The following SOX13 variants were observed in gnomAD, a reference collection of about 807,000 sequenced individuals.
SOX13 encodes the protein SRY-box transcription factor 13, also known as transcription factor SOX-13.
A neutral mutation model predicts 71.8 loss-of-function variants in SOX13; 28 were observed. The observed-to-expected ratio is 0.39, with a 90% CI of 0.29 to 0.53. The LOEUF (loss-of-function observed/expected upper bound fraction) is 0.53, where lower values mean the gene tolerates loss of function less well. Ranked by LOEUF, SOX13 falls within the 20% of genes least tolerant of loss-of-function variation. The pLI is 0.70. For missense variants in SOX13, 627 were observed against 810.3 expected, an observed-to-expected ratio of 0.77 and a Z score of 2.75; for synonymous variants, 309 against 317.8, an observed-to-expected ratio of 0.97 and a Z score of 0.29.
chr1:204,105,815 C>T (rs1216425071), intron 1 of SOX13, among the ~76,000 whole-genome samples: 3 of 152,152 alleles, frequency 2.0e-5, no homozygotes, highest in East Asian at 1.9e-4. Context: ...AAACTGGGCA[C>T]GCAGGAGCAC....
intron 1 of SOX13, among the ~76,000 whole-genome samples, chr1:204,084,077 A>G (rs1655964601): frequency 2.0e-5 from 3 of 152,198 alleles, no homozygotes; most frequent in Admixed American, 2.0e-4. Context: ...CAGGCACACT[A>G]TGACTTTGCG....
At chr1:204,076,441 T>C (rs538296296) in intron 1 of SOX13, among the ~76,000 whole-genome samples, 1 of 152,344 alleles carries the variant, frequency 6.6e-6, no homozygotes, top group South Asian at 2.1e-4. Context: ...GAACCTGGAA[T>C]AGCACAGCTG....
intron 1 of SOX13, among the ~76,000 whole-genome samples, chr1:204,078,747 C>T (rs1374414489): frequency 1.3e-5 from 2 of 152,182 alleles, no homozygotes; most frequent in African/African-American, 4.8e-5. Context: ...GTGGTCTTTG[C>T]CTCGGTGACT....
intron 4 of SOX13, among the ~76,000 whole-genome samples, chr1:204,115,815 C>T (rs1553298485): frequency 6.6e-6 from 1 of 151,598 alleles, no homozygotes; most frequent in Non-Finnish European, 1.5e-5. Context: ...TACAGGTATG[C>T]GCCACCATAC....
chr1:204,114,397 A>C lies in SOX13; in HGVS notation c.296A>C (p.Gln99Pro). The C allele has an allele frequency of 6.2e-7, 1 of 1,612,970 alleles. No homozygotes were observed. The highest frequency in any genetic ancestry group is 8.5e-7 in the Non-Finnish European group (1 of 1,179,434). The change falls in exon 3 of 14, where the codon CAG (glutamine) becomes CCG (proline). Residue 99 changes from glutamine (Q) to proline (P), a missense_variant. Transcript: ENST00000367204. ...GTGTCGGAGGCTGCCTCTGGAAGCC[A>C]GGAGAAGCTGGACTTCAACCGAAAT... ...PGVSEAASGS[Q>P]EKLDFNRNLK...
In SOX13 at chr1:204,081,846, G is replaced by A. The variant is rs1466962466; in HGVS notation, c.-2+8135G>A. 1.3e-5 allele frequency among the ~76,000 whole-genome samples: 2 copies of A among 152,086 alleles called. No homozygotes were observed. Among genetic ancestry groups the A allele is most frequent in the Non-Finnish European group, 2.9e-5 (2 of 68,016 alleles). Reference sequence around the variant, plus strand: ...ACCATCCTTGTGAGGTTTTGGTTCTGGCCTGTTCCATGAGGGTGGGGTAGG... The same window carrying A: ...ACCATCCTTGTGAGGTTTTGGTTCTAGCCTGTTCCATGAGGGTGGGGTAGG... On this transcript the variant is annotated intron_variant, in intron 1 of 13. Coordinates refer to ENST00000367204, the MANE Select transcript of SOX13 (RefSeq NM_005686.3). The surrounding 1 kb of genome is among the most constrained non-coding windows in gnomAD (Gnocchi z 4.3).
At chr1:204,077,966 C>T (rs1278302485) in intron 1 of SOX13, among the ~76,000 whole-genome samples, 1 of 152,104 alleles carries the variant, frequency 6.6e-6, no homozygotes, top group African/African-American at 2.4e-5. Flanking sequence ...TGTGTGCCAC[C>T]ACACCTGGCT....
At chr1:204,098,400 C>G (rs548226339) in intron 1 of SOX13, among the ~76,000 whole-genome samples, 1 of 151,902 alleles carries the variant, frequency 6.6e-6, no homozygotes, top group East Asian at 1.9e-4. Flanking sequence ...TTGCTTGAAC[C>G]GGGGAGGCAG....
At chr1:204,121,336 T>A (rs924875410) in intron 7 of SOX13, among the ~76,000 whole-genome samples, 5 of 152,098 alleles carry the variant, frequency 3.3e-5, no homozygotes, top group African/African-American at 1.2e-4. Context: ...ACCAGATTGG[T>A]CTTGAACTCT....
intron 1 of SOX13, among the ~76,000 whole-genome samples, chr1:204,088,208 C>A (rs1009379663): frequency 6.6e-6 from 1 of 152,148 alleles, no homozygotes; most frequent in Non-Finnish European, 1.5e-5. Flanking sequence ...GTGGACGTAG[C>A]CCTGTTTTCT....
rs1284715882 is a variant in SOX13, at chr1:204,081,406, C to G, written c.-2+7695C>G. Reference sequence around the variant, plus strand: ...TTCCACGGAAGACCAAGAGGAGTCACGGTTTGACCAGCGCTAAGAGGGGAT... The same window carrying G: ...TTCCACGGAAGACCAAGAGGAGTCAGGGTTTGACCAGCGCTAAGAGGGGAT... On this transcript the variant is annotated intron_variant, in intron 1 of 13. Transcript: ENST00000367204. The surrounding 1 kb of genome is among the most constrained non-coding windows in gnomAD (Gnocchi z 4.3). Among the ~76,000 whole-genome samples the G allele has an allele frequency of 6.6e-6, 1 of 152,234 alleles. No homozygotes were observed.
rs376174455 is a variant in SOX13, at chr1:204,122,358, C to T, written c.983C>T (p.Pro328Leu). The change falls in exon 9 of 14, where the codon CCC becomes CTC. Residue 328 changes from proline (P) to leucine (L), a missense_variant. By Grantham distance (98) the Pro-to-Leu change is moderately conservative. Transcript: ENST00000367204. ...CVPRPPSHGG[P>L]TRDLQSSPPS... ...CCCCGCCCCCCCAGCCATGGAGGCC[C>T]CACGCGGGACCTGCAGTCCAGCCCC... 80 of 1,563,502 alleles carry T rather than the reference C, an allele frequency of 5.1e-5. No individual in the cohort carries two copies. Among genetic ancestry groups the T allele is most frequent in the Non-Finnish European group, 6.3e-5 (73 of 1,153,842 alleles).
intron 1 of SOX13, among the ~76,000 whole-genome samples, chr1:204,090,842 C>A (rs1198439362): frequency 2.0e-5 from 3 of 152,192 alleles, no homozygotes; most frequent in African/African-American, 7.2e-5. Context: ...ATCTGTAGGG[C>A]ACCTTTGCAC....
chr1:204,105,423 T>TTTTTTTTTTTTTTTG (rs1558216528), intron 1 of SOX13, among the ~76,000 whole-genome samples: 1 of 149,810 alleles, frequency 6.7e-6, no homozygotes, highest in African/African-American at 2.5e-5. Flanking sequence ...CTTTTTTTTT[T>TTTTTTTTTTTTTTTG]GAGACAGAGT....
At chr1:204,074,001 ACGCGCG>A (rs1450275960) in intron 1 of SOX13, 44 of 136,350 alleles carry the variant, frequency 3.2e-4, no homozygotes, top group Admixed American at 2.0e-3. Flanking sequence ...GTGTGTGTGT[ACGCGCG>A]CGCGCGCGCG....
Position 204,109,231 on chromosome 1 carries a change from C to G in SOX13, c.-1-3684C>G, listed in dbSNP as rs1656529628. 2.6e-5 allele frequency among the ~76,000 whole-genome samples: 4 copies of G among 152,208 alleles called. No individual in the cohort carries two copies. The South Asian group carries it at 8.3e-4, about 32-fold the overall frequency. ...GCAGTGCCCTGTCTTGGGACCCAGC[C>G]TCTGGGGAACCCTACACTTTGAAAG... On this transcript the variant is annotated intron_variant, in intron 1 of 13. Transcript: ENST00000367204.
chr1:204,106,079 G>A (rs937396343), intron 1 of SOX13, among the ~76,000 whole-genome samples: 2 of 152,180 alleles, frequency 1.3e-5, no homozygotes, highest in African/African-American at 4.8e-5. Context: ...AGGAACTTGA[G>A]GGATTATTTT....
At chr1:204,093,510 G>C (rs1297271331) in intron 1 of SOX13, among the ~76,000 whole-genome samples, 1 of 152,234 alleles carries the variant, frequency 6.6e-6, no homozygotes, top group Middle Eastern at 3.2e-3. Context: ...GGAAGTGAAG[G>C]CGGTGGCATG....
chr1:204,085,853 G>A (rs1309720874), intron 1 of SOX13, among the ~76,000 whole-genome samples: 3 of 151,676 alleles, frequency 2.0e-5, no homozygotes, highest in Non-Finnish European at 2.9e-5. Flanking sequence ...GGTGCCGGGG[G>A]CCTGTAGTCC....
Sources: allele counts gnomAD v4.1 joint callset (sites outside exome capture counted in the v4.1 genomes callset), GRCh38; gene constraint gnomAD v4.1.1; non-coding constraint Gnocchi (gnomAD v3.1); transcripts MANE v1.5; gene names NCBI Gene and HGNC (gene_info 2026-07-23, HGNC 2026-07-21).